Variants in MCF2L observed in about 807,000 individuals in gnomAD.
The protein encoded by MCF2L is guanine nucleotide exchange factor DBS.
MCF2L carries 97 observed loss-of-function variants against 153.4 expected under a neutral mutation model. That is an observed-to-expected ratio of 0.63 (90% CI 0.54 to 0.75). The LOEUF (loss-of-function observed/expected upper bound fraction) is 0.75, where lower values mean the gene tolerates loss of function less well. Ranked by LOEUF, MCF2L falls within the 30% of genes least tolerant of loss-of-function variation. The pLI, the probability that MCF2L is intolerant of heterozygous loss-of-function variation, is 0.00. For missense variants in MCF2L, 1,347 were observed against 1,495.2 expected, an observed-to-expected ratio of 0.90 and a Z score of 1.64; for synonymous variants, 659 against 632.2, an observed-to-expected ratio of 1.04 and a Z score of -0.64.
intron 2 of MCF2L, among the ~76,000 whole-genome samples, chr13:112,903,321 C>G (rs1390231543): frequency 3.3e-5 from 5 of 152,232 alleles, no homozygotes; most frequent in African/African-American, 1.2e-4. Flanking sequence ...TTGGGAGTTG[C>G]TGGGTCAAGG....
At chr13:112,979,697 C>T (rs1329112095) in intron 1 of MCF2L, 1 of 1,612,678 alleles carries the variant, frequency 6.2e-7, no homozygotes. Context: ...CCCGGGGAAC[C>T]CTGCGGCGGC....
chr13:113,084,262 ACCT>A (rs1566867978), intron 18 of MCF2L, among the ~76,000 whole-genome samples, 195 bp downstream of exon 18: 2 of 150,176 alleles, frequency 1.3e-5, no homozygotes, highest in East Asian at 2.0e-4. Flanking sequence ...ACCCCAGAAA[ACCT>A]CCTGAACCCC....
At chr13:112,902,332 C>A in exon 2 of MCF2L, 9 of 1,612,928 alleles carry the variant, frequency 5.6e-6, no homozygotes, top group Non-Finnish European at 7.6e-6. Context: ...CGTCATCAGG[C>A]TTGTTCAAGA....
chr13:113,020,459 A>G (rs894727569), intron 2 of MCF2L, among the ~76,000 whole-genome samples: 14 of 152,310 alleles, frequency 9.2e-5, no homozygotes, highest in African/African-American at 3.1e-4. Flanking sequence ...TGCTGTGACA[A>G]AGTCCCCTAG....
At position 113,031,178 on chromosome 13, in the gene MCF2L, A is replaced by AGAGAGAAGAGACAGAGAGT. The variant is rs2085688370; in HGVS notation, c.278+6422_278+6423insGAGAAGAGACAGAGAGTGA. ...ACAGAGAGAAGAGACAGAGAGTGAC[A>AGAGAGAAGAGACAGAGAGT]GACAGAGACAGAGAGACAGAGACAG... is the stretch of plus-strand genomic sequence containing the variant. On this transcript the variant is annotated intron_variant, in intron 3 of 29. Coordinates refer to ENST00000535094, the MANE Select transcript of MCF2L (RefSeq NM_001112732.3). The surrounding 1 kb of genome is among the most constrained non-coding windows in gnomAD (Gnocchi z 5.5). Among the ~76,000 whole-genome samples, 2 of 96,846 alleles carry AGAGAGAAGAGACAGAGAGT rather than the reference A, an allele frequency of 2.1e-5. No homozygotes were observed. The highest frequency in any genetic ancestry group is 4.4e-5 in the Non-Finnish European group (2 of 45,032). The allele number at this position is 96,846 out of a possible 152,430, so 63.5% of individuals were successfully genotyped here.
intron 2 of MCF2L, among the ~76,000 whole-genome samples, chr13:112,936,866 G>A (rs974136122): frequency 2.6e-5 from 4 of 152,136 alleles, no homozygotes; most frequent in East Asian, 1.9e-4. Context: ...TGTAAATGCC[G>A]TGAAATAGTT....
At chr13:112,988,797 G>C (rs1434403782) in intron 1 of MCF2L, among the ~76,000 whole-genome samples, 1 of 82,038 alleles carries the variant, frequency 1.2e-5, no homozygotes. Flanking sequence ...CTGAGCAGGG[G>C]ATGGGCTACG....
Position 113,096,591 on chromosome 13 carries a change from C to T in MCF2L, c.3230C>T (p.Pro1077Leu), listed in dbSNP as rs140657264. 3.1e-6 allele frequency: 5 copies of T among 1,603,374 alleles called. No homozygotes were observed. The East Asian group carries it at 8.9e-5, about 29-fold the overall frequency. ...ACCACTGGCAAGGAGGGCTGGGTGC[C>T]GGCCAGCAGCCTGTCCGTCCGGCTC... ...DPTTGKEGWV[P>L]ASSLSVRLGP... is the part of the protein sequence containing the mutation. The change falls in exon 29 of 30, where the codon CCG becomes CTG. Residue 1077 changes from proline (P) to leucine (L), a missense_variant. Transcript: ENST00000535094.
chr13:113,045,641 C>T lies in MCF2L; in HGVS notation c.369+280C>T. On this transcript the variant is annotated intron_variant, in intron 4 of 29. Coordinates refer to ENST00000535094, the MANE Select transcript of MCF2L (RefSeq NM_001112732.3). This position sits in a 1 kb window ranked among gnomAD's most constrained non-coding sequence, Gnocchi z 4.2. The stretch of plus-strand genomic sequence containing the variant: ...GAGCAGCCCATATGTTTCCGAACAC[C>T]AAGTCTGAGATGCTCGGGACTGAAT... 2.0e-6 allele frequency: 1 copy of T among 511,288 alleles called. No individual in the cohort carries two copies. The highest frequency in any genetic ancestry group is 3.1e-5 in the East Asian group (1 of 31,982). The allele number at this position is 511,288 out of a possible 1,614,324, so 31.7% of individuals were successfully genotyped here.
chr13:113,071,526 T>C (rs571486936), intron 9 of MCF2L, among the ~76,000 whole-genome samples: 3 of 152,374 alleles, frequency 2.0e-5, no homozygotes, highest in Non-Finnish European at 2.9e-5. Context: ...TTGAAGTCTA[T>C]GACCTAATTT....
chr13:112,908,826 C>T lies in MCF2L; in HGVS notation c.169+6455C>T, dbSNP rs1376591292. ...TTGCATCCTCTGCCTCCTGGGTTCA[C>T]GCCATTCTCCTGCCTCAGCCTCCCA... On this transcript the variant is annotated intron_variant, in intron 2 of 29. Transcript: ENST00000375608. Among the ~76,000 whole-genome samples, 4 of 151,400 alleles carry T rather than the reference C, an allele frequency of 2.6e-5. No homozygotes were observed. In the East Asian group the frequency reaches 7.8e-4, roughly 30 times the overall value.
chr13:112,919,362 C>A (rs188857535), intron 2 of MCF2L, among the ~76,000 whole-genome samples: 5,918 of 151,294 alleles, frequency 0.039, 190 homozygotes, highest in Non-Finnish European at 0.05. Flanking sequence ...CCCGCCACTA[C>A]GCCCGGCTAA....
chr13:112,929,447 A>T (rs1451153291), intron 2 of MCF2L, among the ~76,000 whole-genome samples: 9 of 152,246 alleles, frequency 5.9e-5, no homozygotes, highest in Non-Finnish European at 1.2e-4. Flanking sequence ...TTTATCTTTT[A>T]TCGGGATGGG....
At chr13:113,091,338 T>TC in intron 26 of MCF2L, 1 of 615,628 alleles carries the variant, frequency 1.6e-6, no homozygotes, top group Non-Finnish European at 2.5e-6. Flanking sequence ...GCGGTTGTGT[T>TC]CAATGTGTGA....
chr13:112,926,131 C>A (rs1411290834), intron 2 of MCF2L, among the ~76,000 whole-genome samples: 1 of 152,228 alleles, frequency 6.6e-6, no homozygotes, highest in Non-Finnish European at 1.5e-5. Flanking sequence ...GGCTGTACAG[C>A]CTGGTCTGTT....
chr13:113,053,973 A>G lies in MCF2L; in HGVS notation c.370-6620A>G, dbSNP rs1450485248. 6.6e-6 allele frequency among the ~76,000 whole-genome samples: 1 copy of G among 152,190 alleles called. No individual in the cohort carries two copies. Among genetic ancestry groups the G allele is most frequent in the African/African-American group, 2.4e-5 (1 of 41,432 alleles). On this transcript the variant is annotated intron_variant, in intron 4 of 29. Coordinates refer to ENST00000535094, the MANE Select transcript of MCF2L (RefSeq NM_001112732.3). This position sits in a 1 kb window ranked among gnomAD's most constrained non-coding sequence, Gnocchi z 4.4. ...GGGAGCTCAGTTCACACGGCTCCGA[A>G]TCGGCGAAACGCAACCAACGCTGGG...
At chr13:113,013,147 G>A (rs1421937855) in intron 1 of MCF2L, among the ~76,000 whole-genome samples, 4 of 152,174 alleles carry the variant, frequency 2.6e-5, no homozygotes, top group African/African-American at 7.2e-5. Context: ...GGCTGCCGTC[G>A]GCTGCACCAG....
chr13:113,080,572 T>C (rs2141984224), intron 15 of MCF2L, among the ~76,000 whole-genome samples: 1 of 152,346 alleles, frequency 6.6e-6, no homozygotes, highest in East Asian at 1.9e-4. Context: ...CGTAGGCTGC[T>C]GAAAGGTGCT....
chr13:113,087,808 C>A lies in MCF2L; in HGVS notation c.2688+9C>A. 2 of 1,609,886 alleles carry A rather than the reference C, an allele frequency of 1.2e-6. No individual in the cohort carries two copies. The highest frequency in any genetic ancestry group is 1.7e-6 in the Non-Finnish European group (2 of 1,176,310). On this transcript the variant is annotated intron_variant, in intron 23 of 29. Coordinates refer to ENST00000535094, the MANE Select transcript of MCF2L (RefSeq NM_001112732.3). ...AGGTCTACATCGTCCAGGTGGGCCA[C>A]CCACCCTACCCCTGGCCTCTTACAC...
Sources: allele counts gnomAD v4.1 joint callset (sites outside exome capture counted in the v4.1 genomes callset), GRCh38; gene constraint gnomAD v4.1.1; non-coding constraint Gnocchi (gnomAD v3.1); transcripts MANE v1.5; gene names NCBI Gene and HGNC (gene_info 2026-07-23, HGNC 2026-07-21).